MSR1: variants seen among roughly 807,000 people sequenced by gnomAD.
MSR1 encodes macrophage scavenger receptor 1.
Under a neutral mutation model 47.2 loss-of-function variants are expected in MSR1, and 53 were observed. That is an observed-to-expected ratio of 1.12 (90% confidence interval 0.90 to 1.41). The LOEUF (loss-of-function observed/expected upper bound fraction) is 1.41, where lower values mean the gene tolerates loss of function less well. Among genes scored for constraint, MSR1 ranks in the 40% most tolerant of loss-of-function variants. The pLI is 0.00. For missense variants in MSR1, 786 were observed against 546.9 expected (o/e 1.44, Z -4.36); for synonymous variants, 239 against 185.6 (o/e 1.29, Z -2.34).
At chr8:16,138,369 C>T (rs1455048456) in intron 8 of MSR1, among the ~76,000 whole-genome samples, 1 of 152,172 alleles carries the variant, frequency 6.6e-6, no homozygotes, top group African/African-American at 2.4e-5. Context: ...TTCACTATGA[C>T]TAGCGTTAGA....
At chr8:16,118,286 T>A (rs768069207) in intron 9 of MSR1, among the ~76,000 whole-genome samples, 2 of 152,190 alleles carry the variant, frequency 1.3e-5, no homozygotes, top group African/African-American at 4.8e-5. Flanking sequence ...AGAGCATGGA[T>A]AAGACTCGTT....
chr8:16,156,864 T>C (rs760454297), intron 5 of MSR1, among the ~76,000 whole-genome samples: 17 of 151,976 alleles, frequency 1.1e-4, no homozygotes, highest in Admixed American at 2.6e-4. Context: ...GGAATCTCTA[T>C]GTGCCCCCTA....
In MSR1 at chr8:16,119,870, CTTT is replaced by C. The variant is rs35520763; in HGVS notation, c.1222+545_1222+547del. Among the ~76,000 whole-genome samples, 661 of 95,662 alleles carry C rather than the reference CTTT, an allele frequency of 6.9e-3. 4 individuals carry two copies. Among genetic ancestry groups the C allele is most frequent in the African/African-American group, 0.022 (560 of 24,896 alleles). The allele number at this position is 95,662 out of a possible 152,430, so 62.8% of individuals were successfully genotyped here. On this transcript the variant is annotated intron_variant, in intron 9 of 9. Transcript: ENST00000262101. ...TGCAGGTGCATGCTATCACGCCTGG[CTTT>C]TTTTTTTTTTTTTTTTTTAATTGGT...
Position 16,114,030 on chromosome 8 carries a change from C to T in MSR1, c.1223-3812G>A, listed in dbSNP as rs954338047. Among the ~76,000 whole-genome samples the T allele has an allele frequency of 8.6e-5, 13 of 151,952 alleles. 1 individual carries two copies. Among genetic ancestry groups the T allele is most frequent in the Non-Finnish European group, 1.9e-4 (13 of 67,964 alleles). On this transcript the variant is annotated intron_variant, in intron 9 of 9. Transcript: ENST00000262101. Reference sequence around the variant, plus strand: ...TGATTACCCAGCTGTATGGACCAGCCCTATACTACTTTCCATAATATTTAA... The same window carrying T: ...TGATTACCCAGCTGTATGGACCAGCTCTATACTACTTTCCATAATATTTAA...
At position 16,120,615 on chromosome 8, in the gene MSR1, T is replaced by TAAA. The variant is rs1563139428; in HGVS notation, c.1034-10_1034-9insTTT. 3.9e-5 allele frequency: 52 copies of TAAA among 1,334,298 alleles called. No homozygotes were observed. In the African/African-American group the frequency reaches 1.2e-3, roughly 32 times the overall value. The allele number at this position is 1,334,298 out of a possible 1,614,324, so 82.7% of individuals were successfully genotyped here. On this transcript the variant is annotated splice_polypyrimidine_tract_variant and intron_variant, in intron 8 of 9. Coordinates refer to ENST00000262101, the MANE Select transcript of MSR1 (RefSeq NM_138715.3). ...AACTTTCGTAAATGGAGCTGTAAAG[T>TAAA]TAAAAAAAAAAAAAAAAAAAAAAAA...
chr8:16,131,441 G>GTTTTTTTTTTTTT (rs56321577), intron 8 of MSR1, among the ~76,000 whole-genome samples: 2 of 54,660 alleles, frequency 3.7e-5, no homozygotes, highest in African/African-American at 8.1e-5. Context: ...TCTGTTGATA[G>GTTTTTTTTTTTTT]TTTTTTTTTT....
At chr8:16,123,862 C>G (rs1800067334) in intron 8 of MSR1, among the ~76,000 whole-genome samples, 1 of 152,178 alleles carries the variant, frequency 6.6e-6, no homozygotes, top group Non-Finnish European at 1.5e-5. Flanking sequence ...AGACCCGAAT[C>G]TGCTTAGGAG....
At chr8:16,150,721 C>A (rs1316349521) in intron 6 of MSR1, among the ~76,000 whole-genome samples, 1 of 151,972 alleles carries the variant, frequency 6.6e-6, no homozygotes, top group Non-Finnish European at 1.5e-5. Flanking sequence ...GCAACTCAAG[C>A]AATGTAAAGT....
At chr8:16,186,062 G>A in intron 1 of MSR1, 4 of 1,068,274 alleles carry the variant, frequency 3.7e-6, no homozygotes, top group Non-Finnish European at 5.4e-6. Context: ...TTTTTCCTGT[G>A]TGGTAGAAGC....
At chr8:16,143,498 A>G (rs1800616383) in intron 8 of MSR1, 60 bp downstream of exon 8, 17 of 1,448,438 alleles carry the variant, frequency 1.2e-5, no homozygotes, top group Non-Finnish European at 1.6e-5. Flanking sequence ...CCAGATCTCT[A>G]GTATCACAGA....
intron 5 of MSR1, among the ~76,000 whole-genome samples, chr8:16,158,438 T>A (rs1801070003): frequency 6.6e-6 from 1 of 151,972 alleles, no homozygotes. Context: ...CCCAGGTGTA[T>A]CATATCATTT....
chr8:16,175,264 T>G lies in MSR1; in HGVS notation c.140A>C (p.Lys47Thr), dbSNP rs1461126674. 2.5e-6 allele frequency: 4 copies of G among 1,614,102 alleles called. No homozygotes were observed. The East Asian group carries it at 8.9e-5, about 36-fold the overall frequency. ...KNSPSLQEKL[K>T]SFKAALIALY... ...GGCAATCAGTGCAGCTTTGAAGGACTTCAGTTTCTCTTGAAGGGAAGGGCT... is the reference window on the plus strand; with the variant it reads ...GGCAATCAGTGCAGCTTTGAAGGACGTCAGTTTCTCTTGAAGGGAAGGGCT... The change falls in exon 3 of 10, where the codon AAG (lysine) becomes ACG (threonine). Residue 47 changes from lysine (K) to threonine (T), a missense_variant. Coordinates refer to ENST00000262101, the MANE Select transcript of MSR1 (RefSeq NM_138715.3).
intron 9 of MSR1, among the ~76,000 whole-genome samples, chr8:16,116,824 T>C (rs141537662): frequency 1.3e-5 from 2 of 152,208 alleles, no homozygotes; most frequent in African/African-American, 4.8e-5. Flanking sequence ...AGTGGAAAAA[T>C]ATCTTTGAAG....
At chr8:16,136,698 G>C (rs756402118) in intron 8 of MSR1, among the ~76,000 whole-genome samples, 10 of 152,078 alleles carry the variant, frequency 6.6e-5, no homozygotes, top group Non-Finnish European at 1.2e-4. Flanking sequence ...TGCCTCCTGG[G>C]TTCAAGCGAT....
rs548995069 is a variant in MSR1, at chr8:16,110,645, C to T, written c.1223-427G>A. On this transcript the variant is annotated intron_variant, in intron 9 of 9. Coordinates refer to ENST00000262101, the MANE Select transcript of MSR1 (RefSeq NM_138715.3). Reference sequence around the variant, plus strand: ...GGGTATATTTGCACATAAAATAAACCGGAAAAAGGAAAACTTAATATCAGC... The same window carrying T: ...GGGTATATTTGCACATAAAATAAACTGGAAAAAGGAAAACTTAATATCAGC... Among the ~76,000 whole-genome samples, 5 of 152,036 alleles carry T rather than the reference C, an allele frequency of 3.3e-5. No homozygotes were observed. In the East Asian group the frequency reaches 5.8e-4, roughly 18 times the overall value.
intron 8 of MSR1, among the ~76,000 whole-genome samples, chr8:16,123,135 G>A (rs117846118): frequency 0.025 from 3,773 of 152,168 alleles, 82 homozygotes; most frequent in Middle Eastern, 0.082. Context: ...ATAAGCCACG[G>A]CACCCGGCCC....
intron 8 of MSR1, among the ~76,000 whole-genome samples, chr8:16,132,859 C>A (rs944264822): frequency 1.3e-5 from 2 of 152,092 alleles, no homozygotes; most frequent in African/African-American, 4.8e-5. Context: ...GGTTTTCAAG[C>A]AGAATGTTTC....
intron 2 of MSR1, among the ~76,000 whole-genome samples, 190 bp from the exon 3 acceptor site, chr8:16,175,490 T>C (rs765572599): frequency 6.6e-6 from 1 of 152,196 alleles, no homozygotes; most frequent in African/African-American, 2.4e-5. Context: ...GGTATCATTA[T>C]AGGCACTTGA....
chr8:16,157,412 T>TA (rs1225628330), intron 5 of MSR1, among the ~76,000 whole-genome samples: 3 of 151,942 alleles, frequency 2.0e-5, no homozygotes, highest in African/African-American at 7.2e-5. Context: ...TATTTTTATA[T>TA]AAAAATACTG....
Sources: gnomAD v4.1 joint callset for allele counts (sites outside exome capture counted in the v4.1 genomes callset) on GRCh38, gnomAD v4.1.1 for gene constraint, MANE v1.5 for transcripts, NCBI Gene and HGNC (gene_info 2026-07-23, HGNC 2026-07-21) for gene names.